Variants in CTNNA3 observed in about 807,000 individuals in gnomAD.
CTNNA3 encodes the protein catenin alpha 3, also known as catenin alpha-3.
Under a neutral mutation model 95.7 loss-of-function variants are expected in CTNNA3, and 76 were observed. The observed-to-expected ratio is 0.79, with a 90% CI of 0.66 to 0.96. The LOEUF (loss-of-function observed/expected upper bound fraction) is 0.96. Ranked by LOEUF, CTNNA3 falls within the 40% of genes least tolerant of loss-of-function variation. The pLI is 0.00. For synonymous variants in CTNNA3, 431 were observed against 374.4 expected (o/e 1.15, Z -1.74); for missense variants, 1,191 against 1,089.8 (o/e 1.09, Z -1.31).
intron 10 of CTNNA3, among the ~76,000 whole-genome samples, chr10:66,565,280 T>G (rs1842671010): frequency 6.6e-6 from 1 of 152,112 alleles, no homozygotes; most frequent in Non-Finnish European, 1.5e-5. Flanking sequence ...TAGCACCATT[T>G]TACGTTCTGG....
At chr10:66,438,812 C>T (rs1240658556) in intron 11 of CTNNA3, among the ~76,000 whole-genome samples, 1 of 152,116 alleles carries the variant, frequency 6.6e-6, no homozygotes, top group Non-Finnish European at 1.5e-5. Flanking sequence ...AAATCTAGGG[C>T]CCTGGGAGTG....
At chr10:66,253,786 T>C (rs567699987) in intron 13 of CTNNA3, among the ~76,000 whole-genome samples, 2 of 152,280 alleles carry the variant, frequency 1.3e-5, no homozygotes, top group East Asian at 3.9e-4. Context: ...TCATGAATTA[T>C]TAAAAAGGAA....
intron 2 of CTNNA3, among the ~76,000 whole-genome samples, chr10:67,641,819 G>A (rs2133466334): frequency 6.6e-6 from 1 of 152,272 alleles, no homozygotes; most frequent in East Asian, 1.9e-4. Context: ...AGAACACTTG[G>A]ACACAGGAAG....
At position 66,328,927 on chromosome 10, in the gene CTNNA3, T is replaced by C. The variant is rs890970453; in HGVS notation, c.1733-48306A>G. On this transcript the variant is annotated intron_variant, in intron 12 of 17. Coordinates refer to ENST00000433211, the MANE Select transcript of CTNNA3 (RefSeq NM_013266.4). ...ACATATATACATATATATATATATA[T>C]ATATATACACACACACATATAAATA... 4.9e-4 allele frequency among the ~76,000 whole-genome samples: 63 copies of C among 128,612 alleles called. 1 individual carries two copies. The South Asian group carries it at 0.016, about 33-fold the overall frequency. 84.4% of individuals were successfully genotyped at this position (128,612 alleles called of 152,430 possible).
At chr10:66,435,335 G>C (rs2093329439) in intron 11 of CTNNA3, among the ~76,000 whole-genome samples, 1 of 152,006 alleles carries the variant, frequency 6.6e-6, no homozygotes, top group African/African-American at 2.4e-5. Flanking sequence ...TCTTGTTATT[G>C]TTCTGTTCAG....
chr10:67,302,023 GAAA>G (rs1401387702), intron 5 of CTNNA3, among the ~76,000 whole-genome samples: 2 of 38,912 alleles, frequency 5.1e-5, no homozygotes, highest in Non-Finnish European at 9.6e-5. Context: ...AAGAAAGAAA[GAAA>G]GAAAGAAAGA....
At chr10:66,151,171 G>T (rs187506211) in intron 13 of CTNNA3, among the ~76,000 whole-genome samples, 231 of 152,016 alleles carry the variant, frequency 1.5e-3, no homozygotes, top group Non-Finnish European at 1.2e-3. Flanking sequence ...GACAAGAAAA[G>T]ACTTAATTGT....
At chr10:66,620,237 T>C (rs186228944) in intron 10 of CTNNA3, among the ~76,000 whole-genome samples, 2 of 152,242 alleles carry the variant, frequency 1.3e-5, no homozygotes, top group Admixed American at 1.3e-4. Context: ...ATAAATCATA[T>C]GTTTACCTTA....
intron 7 of CTNNA3, among the ~76,000 whole-genome samples, chr10:67,094,157 C>G (rs1383299892): frequency 6.6e-6 from 1 of 151,880 alleles, no homozygotes; most frequent in Non-Finnish European, 1.5e-5. Flanking sequence ...CTTGCTCTGA[C>G]AAAGAATAAT....
At chr10:67,680,629 G>A (rs1483632188) in intron 1 of CTNNA3, among the ~76,000 whole-genome samples, 1 of 152,180 alleles carries the variant, frequency 6.6e-6, no homozygotes, top group Non-Finnish European at 1.5e-5. Flanking sequence ...TGTCATTTAT[G>A]AAACTCTTGT....
intron 15 of CTNNA3, among the ~76,000 whole-genome samples, chr10:66,035,303 T>TG (rs1193692037): frequency 2.6e-5 from 4 of 151,984 alleles, no homozygotes; most frequent in Non-Finnish European, 5.9e-5. Context: ...TATACAGACA[T>TG]GGGGGGTCTA....
chr10:67,076,353 G>A (rs545277929), intron 7 of CTNNA3, among the ~76,000 whole-genome samples: 81 of 152,330 alleles, frequency 5.3e-4, no homozygotes, highest in African/African-American at 1.8e-3. Flanking sequence ...ATCCAGTAGG[G>A]CTGGCAGCTT....
At chr10:67,085,276 A>G (rs1857240625) in intron 7 of CTNNA3, among the ~76,000 whole-genome samples, 1 of 151,950 alleles carries the variant, frequency 6.6e-6, no homozygotes, top group Non-Finnish European at 1.5e-5. Flanking sequence ...AATAGTAATC[A>G]AAAATATGAC....
At chr10:66,985,877 G>A (rs1015897088) in intron 7 of CTNNA3, among the ~76,000 whole-genome samples, 15 of 151,760 alleles carry the variant, frequency 9.9e-5, no homozygotes, top group African/African-American at 3.1e-4. Flanking sequence ...ACAGGTGCTC[G>A]CCACCACACC....
At chr10:67,538,958 A>G (rs1840575052) in intron 4 of CTNNA3, among the ~76,000 whole-genome samples, 1 of 152,216 alleles carries the variant, frequency 6.6e-6, no homozygotes, top group South Asian at 2.1e-4. Flanking sequence ...TGCTAACTTT[A>G]TATCCTCCTA....
At chr10:66,907,189 T>A (rs1846023567) in intron 7 of CTNNA3, among the ~76,000 whole-genome samples, 1 of 152,172 alleles carries the variant, frequency 6.6e-6, no homozygotes, top group Admixed American at 6.5e-5. Flanking sequence ...TTTCTAGGTA[T>A]AAACTGTGCA....
intron 5 of CTNNA3, among the ~76,000 whole-genome samples, chr10:67,515,227 A>C (rs1335707862): frequency 6.6e-6 from 1 of 152,228 alleles, no homozygotes; most frequent in African/African-American, 2.4e-5. Flanking sequence ...AAATCACCCT[A>C]TAAAGATCTG....
chr10:66,716,523 C>G (rs1430928898), intron 9 of CTNNA3, among the ~76,000 whole-genome samples: 1 of 152,066 alleles, frequency 6.6e-6, no homozygotes, highest in Non-Finnish European at 1.5e-5. Flanking sequence ...GAAGAATTTT[C>G]CGGTAGCCCG....
chr10:67,682,259 G>A (rs546937989), intron 1 of CTNNA3, among the ~76,000 whole-genome samples: 97 of 151,724 alleles, frequency 6.4e-4, no homozygotes, highest in African/African-American at 2.0e-3. Context: ...CACACGAGGC[G>A]GAGCTTGCAG....
Sources: gnomAD v4.1 joint callset for allele counts (sites outside exome capture counted in the v4.1 genomes callset) on GRCh38, gnomAD v4.1.1 for gene constraint, MANE v1.5 for transcripts, NCBI Gene and HGNC (gene_info 2026-07-23, HGNC 2026-07-21) for gene names.